The following SAMD5 variants were observed in gnomAD, a reference collection of about 807,000 sequenced individuals.
SAMD5 encodes sterile alpha motif domain-containing protein 5.
SAMD5 carries 13 observed loss-of-function variants against 11.3 expected under a neutral mutation model. The observed-to-expected ratio is 1.15, with a 90% CI of 0.75 to 1.83. SAMD5 has a LOEUF of 1.83. Among genes scored for constraint, SAMD5 ranks in the 40% most tolerant of loss-of-function variants. The pLI is 0.00. For synonymous variants in SAMD5, 129 were observed against 111.3 expected, an observed-to-expected ratio of 1.16 and a Z score of -1.00; for missense variants, 255 against 239.1, an observed-to-expected ratio of 1.07 and a Z score of -0.44.
At chr6:147,889,294 A>G in the SAMD5 span, among the ~76,000 whole-genome samples, 4 of 152,122 alleles carry the variant, frequency 2.6e-5, no homozygotes, top group South Asian at 6.2e-4. Context: ...TTAAACTCAC[A>G]TATTTATTTT....
the SAMD5 span, among the ~76,000 whole-genome samples, chr6:147,789,278 A>AACACACACAC: frequency 5.5e-4 from 78 of 141,192 alleles, no homozygotes; most frequent in East Asian, 1.8e-3. Flanking sequence ...TCTCTAGAAA[A>AACACACACAC]ACACACACAC....
chr6:147,613,494 A>AC (rs2128449352), intron 1 of SAMD5, among the ~76,000 whole-genome samples: 1 of 151,952 alleles, frequency 6.6e-6, no homozygotes, highest in African/African-American at 2.4e-5. Context: ...CCACCTTGAG[A>AC]CCACTCTTTT....
rs1486849936 is a variant in SAMD5 at position 147,593,800 on chromosome 6, CTT to C, written c.162+84416_162+84417del. Among the ~76,000 whole-genome samples, 9 of 152,270 alleles carry C rather than the reference CTT, an allele frequency of 5.9e-5. No homozygotes were observed. In the East Asian group the frequency reaches 1.5e-3, roughly 26 times the overall value. ...CATCCATTGTAGGAGCTCTAAGACT[CTT>C]TTGCAGACTCATCCCCATGAAAGTA... On this transcript the variant is annotated intron_variant, in intron 1 of 1. Coordinates refer to the SAMD5 transcript ENST00000566741.
chr6:147,799,005 G>T, the SAMD5 span, among the ~76,000 whole-genome samples: 1 of 152,102 alleles, frequency 6.6e-6, no homozygotes, highest in Non-Finnish European at 1.5e-5. Flanking sequence ...ACACTGATGG[G>T]TCTTGACTCT....
At position 147,563,469 on chromosome 6, in the gene SAMD5, C is replaced by A. The variant is rs141088415; in HGVS notation, c.460-925C>A. The stretch of plus-strand genomic sequence containing the variant: ...AAAGTTTTCCAATTCAATAAGCAAG[C>A]GGTTGAATCTAAGCAGCACAAAATT... On this transcript the variant is annotated intron_variant, in intron 1 of 1. Transcript: ENST00000367474. Among the ~76,000 whole-genome samples, 22 of 152,296 alleles carry A rather than the reference C, an allele frequency of 1.4e-4. No homozygotes were observed. The East Asian group carries it at 4.2e-3, about 29-fold the overall frequency.
the SAMD5 span, among the ~76,000 whole-genome samples, chr6:147,803,057 T>C: frequency 1.3e-5 from 2 of 152,074 alleles, no homozygotes; most frequent in Non-Finnish European, 2.9e-5. Flanking sequence ...CAAAAATCAA[T>C]AAATGTTGAC....
At chr6:147,809,111 C>G in the SAMD5 span, among the ~76,000 whole-genome samples, 6 of 152,182 alleles carry the variant, frequency 3.9e-5, no homozygotes, top group African/African-American at 1.4e-4. Flanking sequence ...ATCACTGATC[C>G]GTCCTGGAGA....
At chr6:147,538,181 G>A (rs1213886486) in intron 1 of SAMD5, among the ~76,000 whole-genome samples, 4 of 152,128 alleles carry the variant, frequency 2.6e-5, no homozygotes, top group Non-Finnish European at 2.9e-5. Flanking sequence ...TATCATTTTA[G>A]TGTTTTAACC....
chr6:147,859,750 TTTTG>T, the SAMD5 span, among the ~76,000 whole-genome samples: 16 of 152,040 alleles, frequency 1.1e-4, no homozygotes, highest in African/African-American at 1.9e-4. Flanking sequence ...TTTTTGGGTT[TTTTG>T]TTTGTTTGTT....
chr6:147,837,023 C>T, the SAMD5 span, among the ~76,000 whole-genome samples: 2 of 152,132 alleles, frequency 1.3e-5, no homozygotes, highest in Non-Finnish European at 2.9e-5. Context: ...AAAACATATA[C>T]CACAAACAAT....
intron 1 of SAMD5, among the ~76,000 whole-genome samples, chr6:147,675,290 G>T (rs1790846788): frequency 6.6e-6 from 1 of 152,158 alleles, no homozygotes; most frequent in Non-Finnish European, 1.5e-5. Context: ...CAGAGTTTCA[G>T]CCTATGTTCC....
chr6:147,845,992 T>C, the SAMD5 span, among the ~76,000 whole-genome samples: 1 of 152,076 alleles, frequency 6.6e-6, no homozygotes, highest in Non-Finnish European at 1.5e-5. Flanking sequence ...TCAAGAGGCG[T>C]ACAATTAAAC....
downstream of SAMD5, among the ~76,000 whole-genome samples, chr6:147,741,222 C>A (rs1791875163): frequency 6.6e-6 from 1 of 152,108 alleles, no homozygotes; most frequent in Non-Finnish European, 1.5e-5. Context: ...CAAGAATGAG[C>A]TCCCCAGAGG....
chr6:147,703,187 C>A (rs1417067212), intron 1 of SAMD5, among the ~76,000 whole-genome samples: 1 of 152,122 alleles, frequency 6.6e-6, no homozygotes, highest in African/African-American at 2.4e-5. Context: ...CCCACCTCAG[C>A]CTCCCGAGTA....
rs1789006130 is a variant in SAMD5, at chr6:147,564,518, T to G, written c.*62T>G. 1 of 892,576 alleles carries G rather than the reference T, an allele frequency of 1.1e-6. No homozygotes were observed. Among genetic ancestry groups the G allele is most frequent in the Non-Finnish European group, 1.9e-6 (1 of 531,010 alleles). 55.3% of individuals were successfully genotyped at this position (892,576 alleles called of 1,614,324 possible). A position where few individuals can be genotyped will look rare whatever the true frequency, so the allele number is the denominator to read the frequency against. On this transcript the variant is annotated 3_prime_UTR_variant, in exon 2 of 2. Transcript: ENST00000367474. Reference sequence around the variant, plus strand: ...TGCCTGAAGACTGGAAAAGGGCATATTTAGAACCTTCTTTCAAAAAGGGAA... The same window carrying G: ...TGCCTGAAGACTGGAAAAGGGCATAGTTAGAACCTTCTTTCAAAAAGGGAA...
chr6:147,704,669 T>G (rs1171272896), intron 1 of SAMD5, among the ~76,000 whole-genome samples: 2 of 152,168 alleles, frequency 1.3e-5, no homozygotes, highest in African/African-American at 4.8e-5. Context: ...CCAGATCCCT[T>G]TAAGGTTGAC....
chr6:147,877,923 C>G, the SAMD5 span, among the ~76,000 whole-genome samples: 3 of 122,370 alleles, frequency 2.5e-5, no homozygotes, highest in African/African-American at 6.1e-5. Flanking sequence ...AGCTAGCTAG[C>G]TAGATAGATA....
the SAMD5 span, among the ~76,000 whole-genome samples, chr6:147,926,508 T>C: frequency 1.3e-5 from 2 of 152,156 alleles, no homozygotes; most frequent in African/African-American, 4.8e-5. Context: ...GTTCATGTCC[T>C]TGGCTCACTT....
the SAMD5 span, among the ~76,000 whole-genome samples, chr6:147,745,176 A>G: frequency 6.6e-6 from 1 of 152,146 alleles, no homozygotes; most frequent in African/African-American, 2.4e-5. Context: ...CTAGAATTTG[A>G]TCAAAATAAC....
Sources: gnomAD v4.1 joint callset for allele counts (sites outside exome capture counted in the v4.1 genomes callset) on GRCh38, gnomAD v4.1.1 for gene constraint, MANE v1.5 for transcripts, NCBI Gene and HGNC (gene_info 2026-07-23, HGNC 2026-07-21) for gene names.